The following ST6GALNAC5 variants were observed in gnomAD, a reference collection of about 807,000 sequenced individuals.
ST6GALNAC5 encodes ST6 N-acetylgalactosaminide alpha-2,6-sialyltransferase 5.
A neutral mutation model predicts 33.6 loss-of-function variants in ST6GALNAC5; 27 were observed. The observed-to-expected ratio is 0.80, with a 90% CI of 0.59 to 1.11. ST6GALNAC5 has a LOEUF of 1.11. Among genes scored for constraint, ST6GALNAC5 ranks in the 50% least tolerant of loss-of-function variants. ST6GALNAC5 has a pLI of 0.00. For synonymous variants in ST6GALNAC5, 194 were observed against 171.2 expected, an observed-to-expected ratio of 1.13 and a Z score of -1.04; for missense variants, 428 against 454.0, an observed-to-expected ratio of 0.94 and a Z score of 0.52.
At chr1:77,058,643 T>C (rs903725467) in intron 4 of ST6GALNAC5, among the ~76,000 whole-genome samples, 7 of 152,214 alleles carry the variant, frequency 4.6e-5, no homozygotes, top group Admixed American at 4.6e-4. Context: ...GCTTTTTTCT[T>C]TATAAATTAC....
chr1:76,926,171 C>T (rs1031962993), intron 2 of ST6GALNAC5, among the ~76,000 whole-genome samples: 3 of 152,138 alleles, frequency 2.0e-5, no homozygotes, highest in Non-Finnish European at 2.9e-5. Context: ...CAAAGTAATA[C>T]AAAATTTATA....
At chr1:76,997,474 G>A (rs1478027954) in intron 2 of ST6GALNAC5, among the ~76,000 whole-genome samples, 1 of 152,112 alleles carries the variant, frequency 6.6e-6, no homozygotes, top group African/African-American at 2.4e-5. Context: ...ACAAAGCAGT[G>A]CTGTATTATG....
chr1:77,021,041 C>T (rs1651034893), intron 2 of ST6GALNAC5, among the ~76,000 whole-genome samples: 1 of 152,222 alleles, frequency 6.6e-6, no homozygotes, highest in Admixed American at 6.5e-5. Flanking sequence ...CACAGTGACA[C>T]TTTCCACTGC....
intron 2 of ST6GALNAC5, among the ~76,000 whole-genome samples, chr1:76,993,772 A>G (rs1649822827): frequency 1.3e-5 from 2 of 152,124 alleles, no homozygotes; most frequent in African/African-American, 4.8e-5. Context: ...CTTTGTGCAG[A>G]TTTATCCAAC....
chr1:77,063,540 G>T lies in ST6GALNAC5; in HGVS notation c.*334G>T, dbSNP rs769807001. ...CAACATAAGCAACTCAACAATATTA[G>T]TTGCATTCCTTTATAGACATACCAT... On this transcript the variant is annotated 3_prime_UTR_variant, in exon 5 of 5. Coordinates refer to ENST00000477717, the MANE Select transcript of ST6GALNAC5 (RefSeq NM_030965.3). The T allele has an allele frequency of 2.0e-5, 6 of 306,280 alleles. No individual in the cohort carries two copies. Among genetic ancestry groups the T allele is most frequent in the Middle Eastern group, 1.0e-3 (1 of 964 alleles). The allele number at this position is 306,280 out of a possible 1,614,324, so 19.0% of individuals were successfully genotyped here. A position where few individuals can be genotyped will look rare whatever the true frequency, so the allele number is the denominator to read the frequency against.
chr1:76,882,227 C>T (rs1428184357), intron 2 of ST6GALNAC5, among the ~76,000 whole-genome samples: 1 of 152,136 alleles, frequency 6.6e-6, no homozygotes, highest in Non-Finnish European at 1.5e-5. Context: ...TTAATTGAAA[C>T]AATTTTCAAA....
At position 77,007,305 on chromosome 1, in the gene ST6GALNAC5, C is replaced by T. The variant is rs114931747; in HGVS notation, c.262-36899C>T. Among the ~76,000 whole-genome samples, 815 of 152,302 alleles carry T rather than the reference C, an allele frequency of 5.4e-3. 3 individuals carry two copies. Among genetic ancestry groups the T allele is most frequent in the Non-Finnish European group, 7.0e-3 (479 of 68,032 alleles). The stretch of plus-strand genomic sequence containing the variant: ...TAATCATGTCTGAAGTTGCATAGAG[C>T]CCTCTGAACCACATGCCCCAGCACC... On this transcript the variant is annotated intron_variant, in intron 2 of 4. Coordinates refer to ENST00000477717, the MANE Select transcript of ST6GALNAC5 (RefSeq NM_030965.3).
chr1:76,955,909 T>C (rs1401446603), intron 2 of ST6GALNAC5, among the ~76,000 whole-genome samples: 1 of 152,188 alleles, frequency 6.6e-6, no homozygotes, highest in African/African-American at 2.4e-5. Context: ...TTCTTGGCTC[T>C]TGTTCTTATG....
intron 2 of ST6GALNAC5, among the ~76,000 whole-genome samples, chr1:76,980,922 A>T (rs1649222800): frequency 6.6e-6 from 1 of 152,238 alleles, no homozygotes; most frequent in Non-Finnish European, 1.5e-5. Context: ...CATCAAGAAA[A>T]TAAAAAAATA....
At chr1:76,875,088 C>T (rs1365903209) in intron 2 of ST6GALNAC5, among the ~76,000 whole-genome samples, 1 of 152,204 alleles carries the variant, frequency 6.6e-6, no homozygotes, top group Non-Finnish European at 1.5e-5. Flanking sequence ...CAAGTGTATA[C>T]ATGCACAAAC....
In ST6GALNAC5 at chr1:77,007,113, G is replaced by T. The variant is rs867192210; in HGVS notation, c.262-37091G>T. 2.6e-5 allele frequency among the ~76,000 whole-genome samples: 4 copies of T among 152,292 alleles called. No individual in the cohort carries two copies. In the South Asian group the frequency reaches 8.3e-4, roughly 32 times the overall value. On this transcript the variant is annotated intron_variant, in intron 2 of 4. Coordinates refer to ENST00000477717, the MANE Select transcript of ST6GALNAC5 (RefSeq NM_030965.3). Reference sequence around the variant, plus strand: ...AGTCACCTGGCCAAGCCCAGTGTCAGTATAGAGGGCACTACCAAATGGTGT... The same window carrying T: ...AGTCACCTGGCCAAGCCCAGTGTCATTATAGAGGGCACTACCAAATGGTGT...
intron 2 of ST6GALNAC5, among the ~76,000 whole-genome samples, chr1:76,995,873 A>G (rs1478322567): frequency 1.3e-5 from 2 of 152,262 alleles, no homozygotes; most frequent in South Asian, 2.1e-4. Context: ...TTGGCTCACC[A>G]TTTCATTCCC....
At chr1:77,023,034 A>G (rs925003437) in intron 2 of ST6GALNAC5, among the ~76,000 whole-genome samples, 1 of 152,224 alleles carries the variant, frequency 6.6e-6, no homozygotes, top group Non-Finnish European at 1.5e-5. Context: ...CCCTAATTCA[A>G]TATGACTGGT....
chr1:76,901,988 A>T (rs2100266669), intron 2 of ST6GALNAC5, among the ~76,000 whole-genome samples: 1 of 152,212 alleles, frequency 6.6e-6, no homozygotes, highest in South Asian at 2.1e-4. Flanking sequence ...TTTCCTCTGG[A>T]TGAGAAAATG....
At chr1:76,934,465 A>G (rs1647176826) in intron 2 of ST6GALNAC5, among the ~76,000 whole-genome samples, 8 of 152,072 alleles carry the variant, frequency 5.3e-5, no homozygotes, top group Admixed American at 5.3e-4. Context: ...TTGATGTAAG[A>G]CATATGGTAA....
At chr1:76,896,510 G>C (rs1004854609) in intron 2 of ST6GALNAC5, among the ~76,000 whole-genome samples, 4 of 152,136 alleles carry the variant, frequency 2.6e-5, no homozygotes, top group African/African-American at 9.7e-5. Flanking sequence ...GGTGGTGTGT[G>C]GCGATTAGGC....
At chr1:77,039,796 G>C (rs780840287) in intron 2 of ST6GALNAC5, among the ~76,000 whole-genome samples, 6 of 152,186 alleles carry the variant, frequency 3.9e-5, no homozygotes, top group Non-Finnish European at 7.4e-5. Context: ...ACACTATGAG[G>C]AAAAAGTCAG....
chr1:76,995,179 A>G (rs1438495141), intron 2 of ST6GALNAC5, among the ~76,000 whole-genome samples: 1 of 152,118 alleles, frequency 6.6e-6, no homozygotes, highest in African/African-American at 2.4e-5. Context: ...GGGAGGATGG[A>G]TAGAGGTCAG....
chr1:76,921,004 G>A (rs1408951568), intron 2 of ST6GALNAC5, among the ~76,000 whole-genome samples: 1 of 152,154 alleles, frequency 6.6e-6, no homozygotes, highest in Non-Finnish European at 1.5e-5. Flanking sequence ...GGCAGAGAAT[G>A]TAGACTACCT....
Sources: gnomAD v4.1 joint callset for allele counts (sites outside exome capture counted in the v4.1 genomes callset) on GRCh38, gnomAD v4.1.1 for gene constraint, MANE v1.5 for transcripts, NCBI Gene and HGNC (gene_info 2026-07-23, HGNC 2026-07-21) for gene names.